Variants in MKRN1 observed in about 807,000 individuals in gnomAD.
The protein encoded by MKRN1 is makorin ring finger protein 1.
Under a neutral mutation model 55.5 loss-of-function variants are expected in MKRN1, and 9 were observed. The observed-to-expected ratio is 0.16, with a 90% confidence interval of 0.10 to 0.28. The LOEUF (loss-of-function observed/expected upper bound fraction) is 0.28. Ranked by LOEUF, MKRN1 falls within the 10% of genes least tolerant of loss-of-function variation. The pLI is 1.00. For synonymous variants in MKRN1, 253 were observed against 235.9 expected (o/e 1.07, Z -0.66); for missense variants, 488 against 626.7 (o/e 0.78, Z 2.36).
chr7:140,461,271 T>C (rs1794607188), intron 2 of MKRN1, among the ~76,000 whole-genome samples: 1 of 152,230 alleles, frequency 6.6e-6, no homozygotes, highest in African/African-American at 2.4e-5. Flanking sequence ...CCCCTATGCA[T>C]TCTCTCCTTT....
chr7:140,474,055 A>T (rs1382845564), intron 1 of MKRN1, among the ~76,000 whole-genome samples: 1 of 134,508 alleles, frequency 7.4e-6, no homozygotes, highest in Non-Finnish European at 1.5e-5. Flanking sequence ...GAAAGAAAGA[A>T]AGAAAGAAAG....
chr7:140,459,303 T>C (rs1794552110), intron 3 of MKRN1, 70 bp from the exon 4 acceptor site: 2 of 1,465,218 alleles, frequency 1.4e-6, no homozygotes, highest in Admixed American at 1.8e-5. Flanking sequence ...ACTGAGAATC[T>C]AACCGCAAAA....
rs139858841 is a variant in MKRN1, at chr7:140,475,485, C to G, written c.186-3474G>C. 1.3e-3 allele frequency: 268 copies of G among 204,556 alleles called. 2 individuals are homozygous for G. The highest frequency in any genetic ancestry group is 6.1e-3 in the African/African-American group (256 of 41,682). The allele number at this position is 204,556 out of a possible 1,614,324, so 12.7% of individuals were successfully genotyped here. A position where few individuals can be genotyped will look rare whatever the true frequency, so the allele number is the denominator to read the frequency against. ...GACCAGCCTAGGCAACAGGGTGAAA[C>G]CCTGTCTCTATCAAAAATGCAAAAA... On this transcript the variant is annotated intron_variant, in intron 1 of 7. Transcript: ENST00000255977.
intron 2 of MKRN1, among the ~76,000 whole-genome samples, chr7:140,468,394 C>A (rs1013709057): frequency 6.6e-6 from 1 of 151,980 alleles, no homozygotes; most frequent in African/African-American, 2.4e-5. Flanking sequence ...TATATTGGGA[C>A]TGCAAAAGAC....
intron 2 of MKRN1, among the ~76,000 whole-genome samples, chr7:140,461,124 T>A (rs747933712): frequency 6.6e-6 from 1 of 152,222 alleles, no homozygotes; most frequent in Non-Finnish European, 1.5e-5. Context: ...TAAGCAGACA[T>A]GTGGAACATT....
chr7:140,455,540 A>ACC, intron 6 of MKRN1: 1 of 559,416 alleles, frequency 1.8e-6, no homozygotes, highest in Non-Finnish European at 3.2e-6. Flanking sequence ...ATAAGGTAGA[A>ACC]CCCCACTCAT....
In MKRN1 at chr7:140,454,310, A is replaced by T; in HGVS notation, c.*207T>A. 1.7e-6 allele frequency: 1 copy of T among 591,786 alleles called. No homozygotes were observed. The highest frequency in any genetic ancestry group is 3.0e-6 in the Non-Finnish European group (1 of 333,150). The allele number at this position is 591,786 out of a possible 1,614,324, so 36.7% of individuals were successfully genotyped here. A position where few individuals can be genotyped will look rare whatever the true frequency, so the allele number is the denominator to read the frequency against. On this transcript the variant is annotated 3_prime_UTR_variant, in exon 8 of 8. Coordinates refer to ENST00000255977, the MANE Select transcript of MKRN1 (RefSeq NM_013446.4). ...TTACAAAAAACTAACTTTAAGATTT[A>T]TTTTTGTAACTTTTTTCAACAGGGA...
At chr7:140,474,457 C>A in intron 1 of MKRN1, 1 of 344,270 alleles carries the variant, frequency 2.9e-6, no homozygotes, top group South Asian at 2.1e-5. Context: ...CCAGAGGTTG[C>A]AGTGAACCAG....
chr7:140,474,024 A>AAG (rs1795032716), intron 1 of MKRN1, among the ~76,000 whole-genome samples: 1 of 50,796 alleles, frequency 2.0e-5, no homozygotes, highest in South Asian at 4.2e-4. Flanking sequence ...AAAGAAAGAA[A>AAG]GAAAGAAAGA....
intron 2 of MKRN1, among the ~76,000 whole-genome samples, chr7:140,469,941 G>A (rs978274676): frequency 2.6e-5 from 4 of 151,090 alleles, no homozygotes; most frequent in African/African-American, 7.3e-5. Context: ...CCAGCTACTC[G>A]GGAGGCTGAG....
intron 1 of MKRN1, among the ~76,000 whole-genome samples, chr7:140,473,498 T>G (rs1794996339): frequency 6.6e-6 from 1 of 152,252 alleles, no homozygotes; most frequent in South Asian, 2.1e-4. Flanking sequence ...CTTAACAACC[T>G]CTTTAGGAAT....
intron 2 of MKRN1, among the ~76,000 whole-genome samples, chr7:140,464,505 C>T (rs1794716035): frequency 6.6e-6 from 1 of 152,100 alleles, no homozygotes; most frequent in East Asian, 1.9e-4. Flanking sequence ...GAGTTCCAGA[C>T]CAGCCTGATC....
intron 2 of MKRN1, among the ~76,000 whole-genome samples, chr7:140,468,032 T>C (rs1413948523): frequency 1.3e-5 from 2 of 148,498 alleles, no homozygotes; most frequent in Non-Finnish European, 3.0e-5. Flanking sequence ...TGCAGAGGCT[T>C]AGCACAGATT....
At chr7:140,471,620 C>T (rs576133629) in intron 2 of MKRN1, among the ~76,000 whole-genome samples, 2 of 152,162 alleles carry the variant, frequency 1.3e-5, no homozygotes, top group African/African-American at 4.8e-5. Context: ...CAGACGCACA[C>T]CACCATGCCC....
chr7:140,475,132 A>T (rs1405793002), intron 1 of MKRN1: 1 of 340,340 alleles, frequency 2.9e-6, no homozygotes, highest in Non-Finnish European at 6.0e-6. Flanking sequence ...ACCTGAGGTC[A>T]GGAGTTCAAG....
In MKRN1 at chr7:140,454,585, T is replaced by A. The variant is rs779688673; in HGVS notation, c.1381A>T (p.Thr461Ser). 1 of 1,613,776 alleles carries A rather than the reference T, an allele frequency of 6.2e-7. No individual in the cohort carries two copies. The highest frequency in any genetic ancestry group is 1.7e-5 in the Admixed American group (1 of 60,022). ...LLAAGGDDEL[T>S]DSEDEWDLFH... ...AAGTCCCACTCATCTTCAGAGTCTG[T>A]TAGTTCGTCGTCCCCACCTGCAGCC... is the stretch of plus-strand genomic sequence containing the variant. Residue 461 changes from threonine (T) to serine (S), a missense_variant, in exon 8 of 8, where the codon ACA (threonine) becomes TCA (serine). By Grantham distance (58) the Thr-to-Ser change is moderately conservative (BLOSUM62 1). This residue lies in a region of MKRN1 where 278 missense variants were observed against 406.7 expected (regional missense o/e 0.68). Transcript: ENST00000255977.
At chr7:140,474,258 G>A (rs1335927158) in intron 1 of MKRN1, 1 of 156,854 alleles carries the variant, frequency 6.4e-6, no homozygotes, top group Non-Finnish European at 1.4e-5. Flanking sequence ...AGCACTTTGG[G>A]AGGCTGAGGC....
chr7:140,455,765 T>G, intron 6 of MKRN1, 25 bp downstream of exon 6: 20 of 1,567,960 alleles, frequency 1.3e-5, no homozygotes, highest in Non-Finnish European at 1.7e-5. Flanking sequence ...GCTCTTCGCT[T>G]GAGAAAAGGC....
intron 2 of MKRN1, among the ~76,000 whole-genome samples, chr7:140,465,249 A>G (rs1363335515): frequency 6.6e-6 from 1 of 152,146 alleles, no homozygotes; most frequent in Non-Finnish European, 1.5e-5. Flanking sequence ...TGTAATCCCC[A>G]GCACTTTGGG....
Sources: gnomAD v4.1 joint callset for allele counts (sites outside exome capture counted in the v4.1 genomes callset) on GRCh38, gnomAD v4.1.1 for gene constraint, gnomAD v4.1.1 regional missense constraint, MANE v1.5 for transcripts, NCBI Gene and HGNC (gene_info 2026-07-23, HGNC 2026-07-21) for gene names.